Variants in LRFN2 observed in about 807,000 individuals in gnomAD.
The protein encoded by LRFN2 is leucine-rich repeat and fibronectin type-III domain-containing protein 2.
Under a neutral mutation model 37.3 loss-of-function variants are expected in LRFN2, and 18 were observed. The observed-to-expected ratio is 0.48, with a 90% CI of 0.33 to 0.72. LRFN2 has a LOEUF of 0.72. Ranked by LOEUF, LRFN2 falls within the 30% of genes least tolerant of loss-of-function variation. LRFN2 has a pLI of 0.02. For missense variants in LRFN2, 1,006 were observed against 1,060.7 expected, an observed-to-expected ratio of 0.95 and a Z score of 0.72; for synonymous variants, 556 against 466.6, an observed-to-expected ratio of 1.19 and a Z score of -2.47.
chr6:40,498,011 G>T (rs1765276267), intron 1 of LRFN2, among the ~76,000 whole-genome samples: 1 of 152,202 alleles, frequency 6.6e-6, no homozygotes, highest in Admixed American at 6.5e-5. Context: ...GCCTACTGGG[G>T]TGCTGAGGGG....
chr6:40,401,916 TC>T (rs1436151157), intron 2 of LRFN2, among the ~76,000 whole-genome samples: 2 of 152,192 alleles, frequency 1.3e-5, no homozygotes, highest in Admixed American at 6.5e-5. Flanking sequence ...ACATCAGGCT[TC>T]CCCTACCCGA....
intron 2 of LRFN2, among the ~76,000 whole-genome samples, chr6:40,408,726 T>G (rs1762900312): frequency 6.6e-6 from 1 of 152,182 alleles, no homozygotes; most frequent in Non-Finnish European, 1.5e-5. Context: ...TGAGGTAAAG[T>G]GTGTTAAATG....
chr6:40,393,358 G>C (rs145323830), intron 2 of LRFN2, among the ~76,000 whole-genome samples: 143 of 151,908 alleles, frequency 9.4e-4, no homozygotes, highest in Admixed American at 1.4e-3. Flanking sequence ...GTCAGAGACC[G>C]GGTGAGAGAA....
intron 2 of LRFN2, among the ~76,000 whole-genome samples, chr6:40,430,231 G>A (rs1042727443): frequency 6.6e-6 from 1 of 152,210 alleles, no homozygotes; most frequent in African/African-American, 2.4e-5. Flanking sequence ...AGTAAGGGGA[G>A]TTCCCCAGCT....
chr6:40,466,125 T>C (rs1764460228), intron 1 of LRFN2, among the ~76,000 whole-genome samples: 1 of 152,160 alleles, frequency 6.6e-6, no homozygotes. Context: ...TCTGAGATCA[T>C]GGGATAATTA....
chr6:40,512,137 C>T (rs1311572815), intron 1 of LRFN2, among the ~76,000 whole-genome samples: 1 of 152,188 alleles, frequency 6.6e-6, no homozygotes, highest in African/African-American at 2.4e-5. Context: ...TAGTCTCCAA[C>T]CCCCTTAAGG....
chr6:40,522,947 G>A (rs1396530263), intron 1 of LRFN2, among the ~76,000 whole-genome samples: 3 of 152,230 alleles, frequency 2.0e-5, no homozygotes, highest in African/African-American at 7.2e-5. Context: ...CTGTCTGGAA[G>A]ATGAGTGTGT....
intron 1 of LRFN2, among the ~76,000 whole-genome samples, chr6:40,554,828 C>G (rs1258250762): frequency 1.3e-5 from 2 of 152,172 alleles, no homozygotes; most frequent in East Asian, 3.9e-4. Context: ...TCTCTGCACT[C>G]AGACAGTTTC....
intron 2 of LRFN2, among the ~76,000 whole-genome samples, chr6:40,422,016 A>C (rs908663811): frequency 3.3e-5 from 5 of 152,200 alleles, no homozygotes; most frequent in Non-Finnish European, 7.3e-5. Context: ...TCAAGAGCCC[A>C]TGTCTGGAGC....
intron 2 of LRFN2, among the ~76,000 whole-genome samples, chr6:40,397,641 C>T (rs1384387519): frequency 6.6e-6 from 1 of 152,216 alleles, no homozygotes; most frequent in Non-Finnish European, 1.5e-5. Flanking sequence ...TAGGAAAACA[C>T]TGCAGAATCA....
intron 1 of LRFN2, among the ~76,000 whole-genome samples, chr6:40,504,542 A>G (rs964668157): frequency 4.6e-5 from 7 of 152,218 alleles, no homozygotes; most frequent in Non-Finnish European, 1.0e-4. Context: ...TGAGAAAAGA[A>G]GCACATTCTG....
chr6:40,512,659 G>T (rs1765746181), intron 1 of LRFN2, among the ~76,000 whole-genome samples: 2 of 152,166 alleles, frequency 1.3e-5, no homozygotes. Flanking sequence ...AAACAGAACA[G>T]ACCCTGGATT....
intron 1 of LRFN2, among the ~76,000 whole-genome samples, chr6:40,576,342 A>G (rs199573698): frequency 0.06 from 9,130 of 152,332 alleles, 318 homozygotes; most frequent in African/African-American, 0.066. Flanking sequence ...AGAGAGAGAC[A>G]GAGAGGCAGA....
chr6:40,490,182 C>T (rs781645575), intron 1 of LRFN2, among the ~76,000 whole-genome samples: 6 of 152,168 alleles, frequency 3.9e-5, no homozygotes, highest in Admixed American at 2.0e-4. Flanking sequence ...GGAAATGGGC[C>T]CAACTAATCC....
chr6:40,573,652 C>T (rs1201557346), intron 1 of LRFN2, among the ~76,000 whole-genome samples: 5 of 152,172 alleles, frequency 3.3e-5, no homozygotes, highest in Admixed American at 3.3e-4. Context: ...CCCAACTCAT[C>T]CTAGTTGGCC....
At chr6:40,461,014 C>T (rs1342507164) in intron 1 of LRFN2, among the ~76,000 whole-genome samples, 1 of 152,052 alleles carries the variant, frequency 6.6e-6, no homozygotes, top group African/African-American at 2.4e-5. Context: ...ACATTTGATT[C>T]ATTCATTTAT....
chr6:40,558,512 G>A (rs923918067), intron 1 of LRFN2, among the ~76,000 whole-genome samples: 1 of 152,154 alleles, frequency 6.6e-6, no homozygotes, highest in South Asian at 2.1e-4. Context: ...GTGAGCTGAG[G>A]GTGAAAGGTA....
Position 40,534,578 on chromosome 6 carries a change from G to C in LRFN2, c.-19+52363C>G, listed in dbSNP as rs955099637. Among the ~76,000 whole-genome samples, 4 of 152,044 alleles carry C rather than the reference G, an allele frequency of 2.6e-5. No individual in the cohort carries two copies. In the East Asian group the frequency reaches 7.7e-4, roughly 29 times the overall value. On this transcript the variant is annotated intron_variant, in intron 1 of 2. Transcript: ENST00000338305. ...TGTCCTGTGCTTCAGTTTCCCCTCTGGAAAATGGACCTCATAATAACAATA... is the reference window on the plus strand; with the variant it reads ...TGTCCTGTGCTTCAGTTTCCCCTCTCGAAAATGGACCTCATAATAACAATA...
intron 1 of LRFN2, among the ~76,000 whole-genome samples, chr6:40,499,420 G>T (rs540945595): frequency 6.0e-4 from 92 of 152,178 alleles, no homozygotes; most frequent in African/African-American, 2.2e-3. Flanking sequence ...AAATAACTTG[G>T]CCGTAAAAAT....
Sources: gnomAD v4.1 joint callset for allele counts (sites outside exome capture counted in the v4.1 genomes callset) on GRCh38, gnomAD v4.1.1 for gene constraint, MANE v1.5 for transcripts, NCBI Gene and HGNC (gene_info 2026-07-23, HGNC 2026-07-21) for gene names.